The following CACNA2D4 variants were observed in gnomAD, a reference collection of about 807,000 sequenced individuals.
CACNA2D4 encodes the protein calcium voltage-gated channel auxiliary subunit alpha2delta 4.
CACNA2D4 carries 157 observed loss-of-function variants against 163.8 expected under a neutral mutation model. The observed-to-expected ratio is 0.96, with a 90% CI of 0.84 to 1.09. The LOEUF is 1.09. Among genes scored for constraint, CACNA2D4 ranks in the 50% least tolerant of loss-of-function variants. The pLI is 0.00. For missense variants in CACNA2D4, 1,410 were observed against 1,479.9 expected, an observed-to-expected ratio of 0.95 and a Z score of 0.78; for synonymous variants, 598 against 586.9, an observed-to-expected ratio of 1.02 and a Z score of -0.27.
chr12:1,843,415 C>T lies in CACNA2D4; in HGVS notation c.2470+987G>A, dbSNP rs1301737833. Among the ~76,000 whole-genome samples, 2 of 152,198 alleles carry T rather than the reference C, an allele frequency of 1.3e-5. No homozygotes were observed. Among genetic ancestry groups the T allele is most frequent in the Non-Finnish European group, 2.9e-5 (2 of 68,032 alleles). ...AAGGGGAAGTTCTGAGTGACCCCAG[C>T]CCTGACTTTCCTTTTAGAAGTCTCC... On this transcript the variant is annotated intron_variant, in intron 25 of 37. Transcript: ENST00000382722. The surrounding 1 kb of genome is among the most constrained non-coding windows in gnomAD (Gnocchi z 4.6).
intron 29 of CACNA2D4, among the ~76,000 whole-genome samples, chr12:1,805,107 T>C (rs3741974): frequency 0.68 from 103,646 of 151,968 alleles, 36,002 homozygotes; most frequent in Non-Finnish European, 0.75. Flanking sequence ...CCCCCTTTCA[T>C]GGGGGACAAT....
chr12:1,878,304 T>C lies in CACNA2D4; in HGVS notation c.1719+11A>G. On this transcript the variant is annotated intron_variant, in intron 16 of 37. Transcript: ENST00000382722. The surrounding 1 kb of genome is among the most constrained non-coding windows in gnomAD (Gnocchi z 4.6). Reference sequence around the variant, plus strand: ...AGTAAGGATCCCAAGGCAAAGAAGATCTGTACCTACCAGGGGCCGGAGGTC... The same window carrying C: ...AGTAAGGATCCCAAGGCAAAGAAGACCTGTACCTACCAGGGGCCGGAGGTC... 6.2e-7 allele frequency: 1 copy of C among 1,605,890 alleles called. No individual in the cohort carries two copies. The highest frequency in any genetic ancestry group is 8.5e-7 in the Non-Finnish European group (1 of 1,176,354).
At position 1,909,822 on chromosome 12, in the gene CACNA2D4, C is replaced by T. The variant is rs12309518; in HGVS notation, c.486+84G>A. The T allele has an allele frequency of 9.5e-3, 11,065 of 1,165,966 alleles. 531 individuals carry two copies. In the African/African-American group the frequency reaches 0.12, roughly 12 times the overall value. 72.2% of individuals were successfully genotyped at this position (1,165,966 alleles called of 1,614,324 possible). On this transcript the variant is annotated intron_variant, in intron 4 of 37. Transcript: ENST00000382722. ...ATGGAATCAGTGGATCGCCACCCTA[C>T]GCCGCCACCCTATGCCGCCACCCCC...
chr12:1,907,717 G>C, intron 5 of CACNA2D4, 146 bp from the exon 6 acceptor site: 1 of 1,177,838 alleles, frequency 8.5e-7, no homozygotes, highest in Non-Finnish European at 1.2e-6. Context: ...GTGTCTGGTG[G>C]ACGGCCTGGT....
rs571222488 is a variant in CACNA2D4, at chr12:1,871,553, G to A, written c.1878+3051C>T. Reference sequence around the variant, plus strand: ...GCCACTGATGTGTGCGTGTGTACACGTGTGTGCTGGTGTGTGTACGTGTGT... The same window carrying A: ...GCCACTGATGTGTGCGTGTGTACACATGTGTGCTGGTGTGTGTACGTGTGT... On this transcript the variant is annotated intron_variant, in intron 18 of 37. Coordinates refer to ENST00000382722, the MANE Select transcript of CACNA2D4 (RefSeq NM_172364.5). 1.1e-4 allele frequency among the ~76,000 whole-genome samples: 16 copies of A among 149,134 alleles called. No individual in the cohort carries two copies. The East Asian group carries it at 2.6e-3, about 25-fold the overall frequency.
rs1218358775 is a variant in CACNA2D4 at position 1,904,671 on chromosome 12, T to A, written c.781+2769A>T. On this transcript the variant is annotated intron_variant, in intron 6 of 37. Transcript: ENST00000382722. ...GTTATTGAAGTTAAGCTGTTATAAA[T>A]CCAAATTAGAATGTTATAATTTTAA... Among the ~76,000 whole-genome samples the A allele has an allele frequency of 5.3e-5, 8 of 152,108 alleles. No individual in the cohort carries two copies. In the East Asian group the frequency reaches 7.7e-4, roughly 15 times the overall value.
chr12:1,914,297 G>C (rs1260083677), intron 2 of CACNA2D4, among the ~76,000 whole-genome samples: 1 of 152,234 alleles, frequency 6.6e-6, no homozygotes, highest in East Asian at 1.9e-4. Flanking sequence ...ACAAATATTA[G>C]AGAACAGTGA....
At chr12:1,889,173 A>G (rs1047099435) in intron 6 of CACNA2D4, among the ~76,000 whole-genome samples, 2 of 152,258 alleles carry the variant, frequency 1.3e-5, no homozygotes, top group African/African-American at 4.8e-5. Flanking sequence ...ATTTGTAGAT[A>G]AACACAATCT....
At chr12:1,807,301 C>T (rs1863572172) in intron 29 of CACNA2D4, among the ~76,000 whole-genome samples, 1 of 151,584 alleles carries the variant, frequency 6.6e-6, no homozygotes, top group Admixed American at 6.6e-5. Flanking sequence ...GATGCAGATC[C>T]TTCTCCAGTC....
chr12:1,864,913 T>G (rs1398184551), intron 18 of CACNA2D4, among the ~76,000 whole-genome samples: 5 of 152,032 alleles, frequency 3.3e-5, no homozygotes, highest in Non-Finnish European at 7.4e-5. Context: ...CGTAGGAAAA[T>G]CCGGCTAGAA....
chr12:1,809,744 C>T (rs1207924945), intron 29 of CACNA2D4, among the ~76,000 whole-genome samples: 5 of 152,238 alleles, frequency 3.3e-5, no homozygotes, highest in Admixed American at 6.5e-5. Flanking sequence ...GAAAGCATCG[C>T]GTCCATCCCC....
Position 1,834,556 on chromosome 12 carries a change from C to A in CACNA2D4, c.2551+6183G>T. 4 of 1,602,752 alleles carry A rather than the reference C, an allele frequency of 2.5e-6. No homozygotes were observed. The highest frequency in any genetic ancestry group is 3.4e-6 in the Non-Finnish European group (4 of 1,179,904). On this transcript the variant is annotated intron_variant, in intron 26 of 37. Transcript: ENST00000382722. The surrounding 1 kb of genome is among the most constrained non-coding windows in gnomAD (Gnocchi z 7.6). ...TGGGCACGGTGATCATTGCAGGGGT[C>A]GTGTGCGGCGTCGTCTGCATCATGA...
At chr12:1,886,530 A>G (rs1483896158) in intron 7 of CACNA2D4, among the ~76,000 whole-genome samples, 157 bp from the exon 8 acceptor site, 2 of 152,052 alleles carry the variant, frequency 1.3e-5, no homozygotes, top group East Asian at 3.9e-4. Flanking sequence ...TTCCATAACC[A>G]CTTGACACAG....
intron 13 of CACNA2D4, among the ~76,000 whole-genome samples, chr12:1,880,706 C>G (rs1330999860): frequency 6.6e-6 from 1 of 152,228 alleles, no homozygotes; most frequent in Non-Finnish European, 1.5e-5. Flanking sequence ...ATTTTGGCCA[C>G]CACGTCTCTT....
intron 18 of CACNA2D4, among the ~76,000 whole-genome samples, chr12:1,873,856 A>T (rs142555706): frequency 1.6e-4 from 25 of 152,332 alleles, no homozygotes; most frequent in Non-Finnish European, 2.9e-4. Context: ...CCTAAAAGGG[A>T]TGCTTCCTTG....
intron 6 of CACNA2D4, among the ~76,000 whole-genome samples, chr12:1,891,748 C>A (rs1016875116): frequency 7.9e-5 from 12 of 151,780 alleles, no homozygotes; most frequent in Non-Finnish European, 1.5e-4. Context: ...AAGAACCAAA[C>A]AGAAATTCTG....
At chr12:1,849,230 C>T (rs982076061) in intron 23 of CACNA2D4, among the ~76,000 whole-genome samples, 1 of 152,214 alleles carries the variant, frequency 6.6e-6, no homozygotes, top group African/African-American at 2.4e-5. Context: ...AAGAGAAATA[C>T]ATCATGAGTT....
intron 20 of CACNA2D4, among the ~76,000 whole-genome samples, chr12:1,858,197 G>C (rs1865441641): frequency 6.6e-6 from 1 of 152,322 alleles, no homozygotes; most frequent in East Asian, 1.9e-4. Flanking sequence ...ATGAATACAG[G>C]CTTCCCTCCT....
intron 1 of CACNA2D4, chr12:1,915,194 T>C: frequency 1.4e-6 from 1 of 702,604 alleles, no homozygotes; most frequent in Non-Finnish European, 2.6e-6. Context: ...AAAGAGCACC[T>C]GTCCCTCCTC....
Sources: allele counts gnomAD v4.1 joint callset (sites outside exome capture counted in the v4.1 genomes callset), GRCh38; gene constraint gnomAD v4.1.1; non-coding constraint Gnocchi (gnomAD v3.1); transcripts MANE v1.5; gene names NCBI Gene and HGNC (gene_info 2026-07-23, HGNC 2026-07-21).